The following DOCK1 variants were observed in gnomAD, a reference collection of about 807,000 sequenced individuals.
The protein encoded by DOCK1 is dedicator of cytokinesis protein 1.
In DOCK1, 138 loss-of-function variants were observed where a neutral mutation model predicts 262.7. That is an observed-to-expected ratio of 0.53 (90% confidence interval 0.46 to 0.61). The LOEUF is 0.61. Ranked by LOEUF, DOCK1 falls within the 20% of genes least tolerant of loss-of-function variation. The pLI is 0.00. For missense variants in DOCK1, 1,908 were observed against 2,370.7 expected, an observed-to-expected ratio of 0.80 and a Z score of 4.05; for synonymous variants, 866 against 867.4, an observed-to-expected ratio of 1.00 and a Z score of 0.03.
chr10:127,040,112 C>T (rs1020671120), intron 19 of DOCK1, among the ~76,000 whole-genome samples: 1 of 152,236 alleles, frequency 6.6e-6, no homozygotes, highest in Non-Finnish European at 1.5e-5. Flanking sequence ...TTTGCATGAA[C>T]CGTGACAGGC....
At chr10:127,113,503 A>G (rs2048991403) in intron 25 of DOCK1, among the ~76,000 whole-genome samples, 1 of 152,188 alleles carries the variant, frequency 6.6e-6, no homozygotes, top group African/African-American at 2.4e-5. Flanking sequence ...TGTTTGCAAG[A>G]GGCTGGCAGT....
At chr10:127,154,838 G>A (rs1371541534) in intron 27 of DOCK1, among the ~76,000 whole-genome samples, 1 of 152,174 alleles carries the variant, frequency 6.6e-6, no homozygotes, top group Non-Finnish European at 1.5e-5. Context: ...ATAAAGGGTT[G>A]ATGATGAGAA....
intron 29 of DOCK1, among the ~76,000 whole-genome samples, chr10:127,334,457 A>G (rs1334672293): frequency 2.6e-5 from 4 of 152,168 alleles, no homozygotes; most frequent in East Asian, 1.9e-4. Context: ...TTGACCTCAC[A>G]TTTTTTTAAG....
chr10:127,430,048 A>G (rs1402868241), intron 47 of DOCK1, among the ~76,000 whole-genome samples: 1 of 152,010 alleles, frequency 6.6e-6, no homozygotes, highest in Non-Finnish European at 1.5e-5. Flanking sequence ...CCAAGATGCC[A>G]TCGTCCCCCT....
At chr10:127,310,431 C>T (rs114308877) in intron 29 of DOCK1, among the ~76,000 whole-genome samples, 1,552 of 152,244 alleles carry the variant, frequency 0.01, 20 homozygotes, top group African/African-American at 0.033. Flanking sequence ...AGGGCATGGC[C>T]GGGCTTTGTC....
intron 21 of DOCK1, among the ~76,000 whole-genome samples, chr10:127,051,708 G>A (rs1013570945): frequency 6.6e-6 from 1 of 151,994 alleles, no homozygotes; most frequent in African/African-American, 2.4e-5. Context: ...TCAGCCTCTT[G>A]AGTAGCTAGG....
intron 28 of DOCK1, among the ~76,000 whole-genome samples, chr10:127,251,554 C>G (rs1490336545): frequency 1.6e-5 from 2 of 126,542 alleles, no homozygotes; most frequent in Non-Finnish European, 3.2e-5. Context: ...ACAAGAGACC[C>G]CAGAGTGTGA....
intron 29 of DOCK1, among the ~76,000 whole-genome samples, chr10:127,322,807 A>G (rs2062591785): frequency 6.6e-6 from 1 of 152,208 alleles, no homozygotes; most frequent in Non-Finnish European, 1.5e-5. Context: ...TATGGCCTGC[A>G]AGGCCTGACT....
intron 22 of DOCK1, among the ~76,000 whole-genome samples, chr10:127,053,148 A>G (rs894255108): frequency 6.6e-6 from 1 of 152,186 alleles, no homozygotes; most frequent in South Asian, 2.1e-4. Flanking sequence ...TTTTCAGGAT[A>G]TCTTTATATG....
In DOCK1 at chr10:127,446,795, C is replaced by T. The variant is rs552169131; in HGVS notation, c.5414-599C>T. Among the ~76,000 whole-genome samples, 3 of 152,270 alleles carry T rather than the reference C, an allele frequency of 2.0e-5. No homozygotes were observed. Among genetic ancestry groups the T allele is most frequent in the Non-Finnish European group, 2.9e-5 (2 of 68,018 alleles). ...TCCGTTTGAAAACGGCTATTTTTTCCAGTTTACTTTAAAAATCAATTGTAC... is the reference window on the plus strand; with the variant it reads ...TCCGTTTGAAAACGGCTATTTTTTCTAGTTTACTTTAAAAATCAATTGTAC... On this transcript the variant is annotated intron_variant, in intron 50 of 51. Coordinates refer to ENST00000623213, the MANE Select transcript of DOCK1 (RefSeq NM_001290223.2). This position sits in a 1 kb window ranked among gnomAD's most constrained non-coding sequence, Gnocchi z 4.4.
chr10:127,032,014 T>C (rs1276976821), intron 17 of DOCK1, 123 bp from the exon 18 acceptor site: 1 of 1,219,418 alleles, frequency 8.2e-7, no homozygotes, highest in Non-Finnish European at 1.2e-6. Context: ...TATTAAAATG[T>C]GTATTTAATA....
chr10:127,398,635 A>G (rs1464280952), intron 38 of DOCK1, among the ~76,000 whole-genome samples: 1 of 151,942 alleles, frequency 6.6e-6, no homozygotes, highest in Non-Finnish European at 1.5e-5. Context: ...AACTGCTGTG[A>G]AAAAACAGAA....
In DOCK1 at chr10:126,927,395, T is replaced by C. The variant is rs1304502779; in HGVS notation, c.46+21832T>C. On this transcript the variant is annotated intron_variant, in intron 1 of 51. Coordinates refer to ENST00000623213, the MANE Select transcript of DOCK1 (RefSeq NM_001290223.2). Reference sequence around the variant, plus strand: ...ACTTTGGAGTTAGAGGCCGAGCTGATGATCTCTTCCTTTCTTTCCAAAGAG... The same window carrying C: ...ACTTTGGAGTTAGAGGCCGAGCTGACGATCTCTTCCTTTCTTTCCAAAGAG... Among the ~76,000 whole-genome samples, 5 of 152,326 alleles carry C rather than the reference T, an allele frequency of 3.3e-5. No individual in the cohort carries two copies. In the East Asian group the frequency reaches 5.8e-4, roughly 18 times the overall value.
chr10:127,148,524 T>C (rs1592230271), intron 27 of DOCK1, among the ~76,000 whole-genome samples: 2 of 152,338 alleles, frequency 1.3e-5, no homozygotes, highest in South Asian at 2.1e-4. Context: ...GTCGCAGTAC[T>C]ATGTTACAAA....
At chr10:127,109,776 C>T (rs568189003) in intron 24 of DOCK1, among the ~76,000 whole-genome samples, 4 of 151,660 alleles carry the variant, frequency 2.6e-5, no homozygotes, top group Non-Finnish European at 4.4e-5. Context: ...TGATGGACTT[C>T]GTGTTTTTTT....
Position 127,049,968 on chromosome 10 carries a change from C to CTTTT in DOCK1, c.2202-2693_2202-2690dup, listed in dbSNP as rs71941085. Among the ~76,000 whole-genome samples the CTTTT allele has an allele frequency of 9.0e-3, 899 of 99,986 alleles. 23 individuals carry two copies. The highest frequency in any genetic ancestry group is 0.028 in the African/African-American group (709 of 25,312). The allele number at this position is 99,986 out of a possible 152,430, so 65.6% of individuals were successfully genotyped here. Reference sequence around the variant, plus strand: ...AACAGCATAATGACAAAACTGGCCTCTTTTTTTTTTTTTTTTTTTTTTTAC... The same window carrying CTTTT: ...AACAGCATAATGACAAAACTGGCCTCTTTTTTTTTTTTTTTTTTTTTTTTTTTAC... On this transcript the variant is annotated intron_variant, in intron 21 of 51. Coordinates refer to ENST00000623213, the MANE Select transcript of DOCK1 (RefSeq NM_001290223.2).
chr10:127,446,211 C>G lies in DOCK1; in HGVS notation c.5414-1183C>G, dbSNP rs1300735956. On this transcript the variant is annotated intron_variant, in intron 50 of 51. Coordinates refer to ENST00000623213, the MANE Select transcript of DOCK1 (RefSeq NM_001290223.2). This position sits in a 1 kb window ranked among gnomAD's most constrained non-coding sequence, Gnocchi z 4.4. Reference sequence around the variant, plus strand: ...GTTGCAGTGAGCTGAGATCGCACCACTGCACTCCAGCCTGGGCGACACAGC... The same window carrying G: ...GTTGCAGTGAGCTGAGATCGCACCAGTGCACTCCAGCCTGGGCGACACAGC... 6.6e-6 allele frequency among the ~76,000 whole-genome samples: 1 copy of G among 151,630 alleles called. No individual in the cohort carries two copies. Among genetic ancestry groups the G allele is most frequent in the Non-Finnish European group, 1.5e-5 (1 of 67,956 alleles).
intron 18 of DOCK1, among the ~76,000 whole-genome samples, chr10:127,036,433 C>G (rs1470297464): frequency 6.6e-6 from 1 of 151,872 alleles, no homozygotes; most frequent in East Asian, 1.9e-4. Context: ...GATTTTCTAC[C>G]TATAGTCACA....
chr10:126,947,306 T>TTGG (rs1160808559), intron 1 of DOCK1, among the ~76,000 whole-genome samples: 6 of 101,638 alleles, frequency 5.9e-5, no homozygotes, highest in Admixed American at 9.6e-5. Flanking sequence ...AGTATTACTG[T>TTGG]TGGTGGTGAT....
Sources: gnomAD v4.1 joint callset for allele counts (sites outside exome capture counted in the v4.1 genomes callset) on GRCh38, gnomAD v4.1.1 for gene constraint, Gnocchi (gnomAD v3.1) non-coding constraint, MANE v1.5 for transcripts, NCBI Gene and HGNC (gene_info 2026-07-23, HGNC 2026-07-21) for gene names.